Variants in RIN3 observed in about 807,000 individuals in gnomAD.
RIN3 encodes the protein RAB5 interacting protein 3.
A neutral mutation model predicts 76.3 loss-of-function variants in RIN3; 54 were observed. The observed-to-expected ratio is 0.71, with a 90% CI of 0.57 to 0.89. The LOEUF (loss-of-function observed/expected upper bound fraction) is 0.89. Ranked by LOEUF, RIN3 falls within the 40% of genes least tolerant of loss-of-function variation. The probability of loss-of-function intolerance (pLI) is 0.00; values close to 1 mark genes in which losing one functional copy is unlikely to be tolerated. For missense variants in RIN3, 1,256 were observed against 1,322.1 expected (o/e 0.95, Z 0.78); for synonymous variants, 576 against 564.0 (o/e 1.02, Z -0.30).
chr14:92,653,763 A>G (rs1294309000), intron 6 of RIN3, among the ~76,000 whole-genome samples: 1 of 152,224 alleles, frequency 6.6e-6, no homozygotes, highest in Non-Finnish European at 1.5e-5. Context: ...CAAGCCTATA[A>G]TCCCAGCACT....
intron 3 of RIN3, among the ~76,000 whole-genome samples, chr14:92,612,620 C>G (rs578044715): frequency 1.6e-4 from 24 of 152,354 alleles, no homozygotes; most frequent in African/African-American, 5.1e-4. Context: ...CCAAACCCTG[C>G]CCCAGCATGC....
intron 1 of RIN3, among the ~76,000 whole-genome samples, chr14:92,524,210 C>T (rs1952327): frequency 0.07 from 10,696 of 152,074 alleles, 1,144 homozygotes; most frequent in African/African-American, 0.23. Flanking sequence ...AAAAACTAAA[C>T]GAAAATAAAG....
At chr14:92,537,375 C>T (rs1236482406) in intron 1 of RIN3, among the ~76,000 whole-genome samples, 2 of 152,122 alleles carry the variant, frequency 1.3e-5, no homozygotes, top group Non-Finnish European at 2.9e-5. Context: ...CATTCATTTC[C>T]CTGGTCCCTT....
At chr14:92,546,670 T>C (rs1198512668) in intron 1 of RIN3, among the ~76,000 whole-genome samples, 1 of 152,134 alleles carries the variant, frequency 6.6e-6, no homozygotes, top group Non-Finnish European at 1.5e-5. Flanking sequence ...TTTTGATAGA[T>C]TGTTATGATA....
chr14:92,632,242 C>T (rs111473366), intron 4 of RIN3, among the ~76,000 whole-genome samples: 3 of 152,184 alleles, frequency 2.0e-5, no homozygotes, highest in African/African-American at 4.8e-5. Flanking sequence ...GGCTAGGGGA[C>T]GGGTGTGTAG....
chr14:92,535,338 T>C (rs555586530), intron 1 of RIN3, among the ~76,000 whole-genome samples: 161 of 149,256 alleles, frequency 1.1e-3, no homozygotes, highest in Middle Eastern at 3.4e-3. Flanking sequence ...TTCTTTCTTT[T>C]TTTTTTTTTT....
chr14:92,549,750 C>T (rs1897372916), intron 1 of RIN3, among the ~76,000 whole-genome samples: 1 of 152,224 alleles, frequency 6.6e-6, no homozygotes, highest in African/African-American at 2.4e-5. Flanking sequence ...GCAGGGCGTT[C>T]TGGGTGGGTG....
At chr14:92,660,907 G>A (rs760859145) in intron 7 of RIN3, among the ~76,000 whole-genome samples, 7 of 152,212 alleles carry the variant, frequency 4.6e-5, no homozygotes, top group Non-Finnish European at 7.3e-5. Flanking sequence ...CTTGTGCAGT[G>A]AGCAGACTGT....
intron 3 of RIN3, among the ~76,000 whole-genome samples, chr14:92,603,384 C>G (rs1426777337): frequency 2.6e-5 from 4 of 152,220 alleles, no homozygotes; most frequent in Non-Finnish European, 5.9e-5. Context: ...TCTTGGAGAT[C>G]TCTGTGCTGT....
At chr14:92,675,800 C>T (rs1888438979) in intron 7 of RIN3, among the ~76,000 whole-genome samples, 1 of 152,222 alleles carries the variant, frequency 6.6e-6, no homozygotes, top group Admixed American at 6.5e-5. Flanking sequence ...CTTTCGGACC[C>T]ACCTTCCACC....
intron 3 of RIN3, among the ~76,000 whole-genome samples, chr14:92,599,813 A>C (rs1227833893): frequency 1.3e-5 from 2 of 152,080 alleles, no homozygotes; most frequent in African/African-American, 4.8e-5. Context: ...AGACAAGGCT[A>C]CTCTGTTCCT....
At chr14:92,582,918 C>G (rs1884609577) in intron 3 of RIN3, among the ~76,000 whole-genome samples, 1 of 152,216 alleles carries the variant, frequency 6.6e-6, no homozygotes, top group Non-Finnish European at 1.5e-5. Context: ...ATGCCCTCCT[C>G]CTTGACACAG....
At chr14:92,684,932 G>T in intron 8 of RIN3, 55 bp from the exon 9 acceptor site, 1 of 1,569,198 alleles carries the variant, frequency 6.4e-7, no homozygotes, top group Non-Finnish European at 8.7e-7. Flanking sequence ...CAAGCTCCTT[G>T]CCTCTGGTGG....
intron 2 of RIN3, among the ~76,000 whole-genome samples, chr14:92,561,055 A>ATATATATC (rs71123360): frequency 2.1e-4 from 17 of 79,156 alleles, no homozygotes; most frequent in South Asian, 1.5e-3. Flanking sequence ...ATATATATAT[A>ATATATATC]TCTGCCATAT....
chr14:92,593,687 TA>T (rs1333052021), intron 3 of RIN3, among the ~76,000 whole-genome samples: 2 of 151,680 alleles, frequency 1.3e-5, no homozygotes, highest in African/African-American at 4.8e-5. Flanking sequence ...ACTTAAAGTA[TA>T]ATAATAATAA....
At chr14:92,638,544 GC>G (rs1886862229) in intron 4 of RIN3, among the ~76,000 whole-genome samples, 1 of 152,206 alleles carries the variant, frequency 6.6e-6, no homozygotes, top group Non-Finnish European at 1.5e-5. Flanking sequence ...GAGCTGAGCA[GC>G]CTCTGCTGGC....
chr14:92,686,117 C>G (rs1208298397), intron 9 of RIN3: 1 of 152,376 alleles, frequency 6.6e-6, no homozygotes, highest in Non-Finnish European at 1.5e-5. Flanking sequence ...GCTATGCAGA[C>G]TCACTCCTCT....
At chr14:92,576,703 T>G (rs967109653) in intron 2 of RIN3, among the ~76,000 whole-genome samples, 1 of 152,178 alleles carries the variant, frequency 6.6e-6, no homozygotes, top group African/African-American at 2.4e-5. Flanking sequence ...AGAGAGTACC[T>G]CAGTTCCTTC....
At chr14:92,687,873 C>A in intron 9 of RIN3, 53 bp from the exon 10 acceptor site, 1 of 1,444,446 alleles carries the variant, frequency 6.9e-7, no homozygotes, top group Non-Finnish European at 9.1e-7. Flanking sequence ...CGGGAGAGGG[C>A]GCCTGAGGAG....
Sources: gnomAD v4.1 joint callset for allele counts (sites outside exome capture counted in the v4.1 genomes callset) on GRCh38, gnomAD v4.1.1 for gene constraint, MANE v1.5 for transcripts, NCBI Gene and HGNC (gene_info 2026-07-23, HGNC 2026-07-21) for gene names.